The following AFF2 variants were observed in gnomAD, a reference collection of about 807,000 sequenced individuals.
AFF2 encodes AF4/FMR2 family member 2.
Under a neutral mutation model 76.9 loss-of-function variants are expected in AFF2, and 14 were observed. The ratio of observed to expected loss-of-function variants is 0.18; its 90% CI spans 0.12 to 0.28. The LOEUF (loss-of-function observed/expected upper bound fraction) is 0.28, where lower values mean the gene tolerates loss of function less well. Among genes scored for constraint, AFF2 ranks in the 10% least tolerant of loss-of-function variants. AFF2 has a pLI of 1.00. For synonymous variants in AFF2, 398 were observed against 366.7 expected (o/e 1.09, Z -0.98); for missense variants, 868 against 1,001.1 (o/e 0.87, Z 1.79).
chrX:148,848,185 T>G (rs2070690439), intron 7 of AFF2, among the ~76,000 whole-genome samples: 1 of 110,760 alleles, frequency 9.0e-6, no homozygotes, highest in Non-Finnish European at 1.9e-5. Flanking sequence ...TGGGATGTAG[T>G]CCCACAAGAA....
chrX:148,514,363 A>G (rs1392170422), intron 1 of AFF2, among the ~76,000 whole-genome samples: 1 of 112,543 alleles, frequency 8.9e-6, no homozygotes. Context: ...CCACAATCTC[A>G]TTTGTGAATT....
In AFF2 at chrX:148,985,285, C is replaced by CTTTTTTTTT. The variant is rs151339705; in HGVS notation, c.3624-2056_3624-2048dup. Among the ~76,000 whole-genome samples, 82 of 15,383 alleles carry CTTTTTTTTT rather than the reference C, an allele frequency of 5.3e-3. 31 individuals are homozygous for CTTTTTTTTT. The highest frequency in any genetic ancestry group is 0.01 in the Admixed American group (8 of 792). The allele number at this position is 15,383 out of a possible 115,157, so 13.4% of individuals were successfully genotyped here. Reference sequence around the variant, plus strand: ...ACAGGCATGAGCCCCTGTGCCTGGCCTTTTTTTTTTTTTTTTTTTTTTTTT... The same window carrying CTTTTTTTTT: ...ACAGGCATGAGCCCCTGTGCCTGGCCTTTTTTTTTTTTTTTTTTTTTTTTTTTTTTTTTT... On this transcript the variant is annotated intron_variant, in intron 19 of 20. Coordinates refer to ENST00000370460, the MANE Select transcript of AFF2 (RefSeq NM_002025.4).
intron 9 of AFF2, among the ~76,000 whole-genome samples, chrX:148,910,665 C>A (rs1332348393): frequency 8.9e-6 from 1 of 112,018 alleles, no homozygotes; most frequent in African/African-American, 3.2e-5. Context: ...GCAAGGAGCC[C>A]AGGATGCCTG....
intron 1 of AFF2, among the ~76,000 whole-genome samples, chrX:148,591,165 C>G (rs2053518838): frequency 8.9e-6 from 1 of 112,243 alleles, no homozygotes; most frequent in African/African-American, 3.2e-5. Flanking sequence ...GTAGTATCAT[C>G]CAAATATAAT....
Position 148,995,498 on chromosome X carries a change from TG to T in AFF2, c.*4172del, listed in dbSNP as rs1211460525. ...GGGGGTGGGGGTGGGGGCGGGGGGG[TG>T]GGGGGTGGGGAAGCCCCACAAAGCC... is the stretch of plus-strand genomic sequence containing the variant. On this transcript the variant is annotated 3_prime_UTR_variant, in exon 21 of 21. Transcript: ENST00000370460. 3 of 4,924 alleles carry T rather than the reference TG, an allele frequency of 6.1e-4. No individual in the cohort carries two copies. Among genetic ancestry groups the T allele is most frequent in the African/African-American group, 7.6e-4 (1 of 1,322 alleles). The allele number at this position is 4,924 out of a possible 1,213,427, so 0.4% of individuals were successfully genotyped here.
chrX:148,528,583 T>G lies in AFF2; in HGVS notation c.47+27439T>G, dbSNP rs2052691628. ...GCTAGGCATGATGTTATGGCAATCA[T>G]CTGGCTCAGGAAAGCTTCTGGAACT... is the stretch of plus-strand genomic sequence containing the variant. On this transcript the variant is annotated intron_variant, in intron 1 of 20. Coordinates refer to ENST00000370460, the MANE Select transcript of AFF2 (RefSeq NM_002025.4). Among the ~76,000 whole-genome samples the G allele has an allele frequency of 2.7e-5, 3 of 111,746 alleles. No homozygotes were observed. The Admixed American group carries it at 2.9e-4, about 11-fold the overall frequency.
At chrX:148,822,846 C>T (rs1169436147) in intron 4 of AFF2, among the ~76,000 whole-genome samples, 2 of 110,664 alleles carry the variant, frequency 1.8e-5, no homozygotes, top group Admixed American at 9.7e-5. Flanking sequence ...CTTTTCCTGG[C>T]AACATGTTAA....
At chrX:148,531,908 T>TA (rs5904240) in intron 1 of AFF2, among the ~76,000 whole-genome samples, 2 of 107,499 alleles carry the variant, frequency 1.9e-5, no homozygotes, top group Non-Finnish European at 3.8e-5. Context: ...ATCTTTTTTT[T>TA]AAAAAAAAAG....
chrX:148,602,508 C>T (rs2053635667), intron 1 of AFF2, among the ~76,000 whole-genome samples: 1 of 110,649 alleles, frequency 9.0e-6, no homozygotes, highest in Non-Finnish European at 1.9e-5. Context: ...TTTATTATGG[C>T]AGTTTTCTAG....
At chrX:148,897,221 CTATATATATATATA>C (rs1171086215) in intron 8 of AFF2, among the ~76,000 whole-genome samples, 3 of 23,442 alleles carry the variant, frequency 1.3e-4, no homozygotes, top group African/African-American at 4.7e-4. Context: ...CCTTAGTCCA[CTATATATATATATA>C]TATATATATA....
intron 2 of AFF2, among the ~76,000 whole-genome samples, chrX:148,659,579 T>C (rs2054285134): frequency 8.9e-6 from 1 of 112,719 alleles, no homozygotes; most frequent in Non-Finnish European, 1.9e-5. Flanking sequence ...TCATTGAATA[T>C]GGCCAGATAT....
chrX:148,721,924 T>TCATA (rs782370820), intron 3 of AFF2, among the ~76,000 whole-genome samples: 2 of 111,878 alleles, frequency 1.8e-5, no homozygotes, highest in East Asian at 5.7e-4. Flanking sequence ...TTCCCTCTTC[T>TCATA]CATAAGGACA....
intron 3 of AFF2, among the ~76,000 whole-genome samples, chrX:148,713,521 A>G: frequency 8.9e-6 from 1 of 112,062 alleles, no homozygotes; most frequent in Non-Finnish European, 1.9e-5. Flanking sequence ...AATTAGCAAT[A>G]AATTTTACAG....
chrX:148,749,985 A>G (rs868933301), intron 3 of AFF2, among the ~76,000 whole-genome samples: 13 of 83,275 alleles, frequency 1.6e-4, no homozygotes, highest in African/African-American at 5.1e-4. Flanking sequence ...ATTTATTTTT[A>G]AGACAGAGTT....
intron 1 of AFF2, among the ~76,000 whole-genome samples, chrX:148,528,627 C>T (rs2052692224): frequency 9.0e-6 from 1 of 111,266 alleles, no homozygotes; most frequent in South Asian, 3.8e-4. Flanking sequence ...AAGTGCCTTC[C>T]CATTTACATT....
intron 9 of AFF2, among the ~76,000 whole-genome samples, chrX:148,912,227 C>A (rs782604077): frequency 1.8e-5 from 2 of 112,058 alleles, no homozygotes; most frequent in African/African-American, 6.5e-5. Context: ...CATAGGTATA[C>A]GTGTGCCGTG....
chrX:148,967,274 T>A (rs1206720630), intron 14 of AFF2, among the ~76,000 whole-genome samples, 195 bp downstream of exon 14: 4 of 111,313 alleles, frequency 3.6e-5, no homozygotes, highest in African/African-American at 9.8e-5. Flanking sequence ...TTTGGCCCAT[T>A]TTAATTAAGC....
At chrX:148,718,131 A>G (rs1232456891) in intron 3 of AFF2, among the ~76,000 whole-genome samples, 1 of 110,945 alleles carries the variant, frequency 9.0e-6, no homozygotes, top group Non-Finnish European at 1.9e-5. Context: ...AAGGTTCCCA[A>G]CAATTTAAAG....
At chrX:148,798,180 G>A (rs181249535) in intron 3 of AFF2, among the ~76,000 whole-genome samples, 2 of 111,566 alleles carry the variant, frequency 1.8e-5, no homozygotes, top group Non-Finnish European at 1.9e-5. Context: ...GAGAGTGAGA[G>A]AGACAGAGAG....
Sources: gnomAD v4.1 joint callset for allele counts (sites outside exome capture counted in the v4.1 genomes callset) on GRCh38, gnomAD v4.1.1 for gene constraint, MANE v1.5 for transcripts, NCBI Gene and HGNC (gene_info 2026-07-23, HGNC 2026-07-21) for gene names.